Variants in TMEM116 observed in about 807,000 individuals in gnomAD.
TMEM116 encodes the protein transmembrane protein 116.
A neutral mutation model predicts 44.3 loss-of-function variants in TMEM116; 38 were observed. The observed-to-expected ratio is 0.86, with a 90% CI of 0.66 to 1.12. The LOEUF is 1.12. TMEM116 is among the 50% of genes most tolerant of loss of function. The pLI is 0.00. For missense variants in TMEM116, 354 were observed against 401.7 expected, an observed-to-expected ratio of 0.88 and a Z score of 1.01; for synonymous variants, 132 against 144.8, an observed-to-expected ratio of 0.91 and a Z score of 0.64.
intron 4 of TMEM116, among the ~76,000 whole-genome samples, chr12:111,945,335 C>A (rs1241812489): frequency 4.9e-5 from 5 of 102,308 alleles, no homozygotes; most frequent in African/African-American, 2.2e-4. Context: ...CAGAGCTAGA[C>A]TCCATCTCAA....
intron 4 of TMEM116, among the ~76,000 whole-genome samples, chr12:111,964,980 C>A (rs1187927584): frequency 6.6e-6 from 1 of 152,186 alleles, no homozygotes; most frequent in Admixed American, 6.5e-5. Context: ...GGCATGAAGC[C>A]ACCATGCCCA....
rs189877537 is a variant in TMEM116 at position 112,013,027 on chromosome 12, A to C, written c.-59T>G. On this transcript the variant is annotated 5_prime_UTR_variant, in exon 1 of 11. Transcript: ENST00000552374. Reference sequence around the variant, plus strand: ...CGAGGGTTGGAGCGGGTCCCAACCAACTGCCTGACGGCCCAAAGGCAGGAA... The same window carrying C: ...CGAGGGTTGGAGCGGGTCCCAACCACCTGCCTGACGGCCCAAAGGCAGGAA... The C allele has an allele frequency of 6.1e-6, 1 of 162,650 alleles. No homozygotes were observed. The highest frequency in any genetic ancestry group is 6.5e-5 in the Admixed American group (1 of 15,500). 10.1% of individuals were successfully genotyped at this position (162,650 alleles called of 1,614,324 possible).
In TMEM116 at chr12:111,931,740, G is replaced by A. The variant is rs773061292; in HGVS notation, c.895C>T (p.Arg299Trp). The A allele has an allele frequency of 2.4e-5, 38 of 1,611,288 alleles. No homozygotes were observed. Among genetic ancestry groups the A allele is most frequent in the Admixed American group, 5.0e-5 (3 of 59,718 alleles). The change falls in exon 11 of 11, where the codon CGG becomes TGG. Residue 299 changes from arginine (R) to tryptophan (W), a missense_variant. By Grantham distance (101) the Arg-to-Trp change is moderately radical. Transcript: ENST00000552374. ...HKFHQLKQEA[R>W]RDADTQTPLL... is the part of the protein sequence containing the mutation. ...GGTGTCTGGGTATCTGCATCACGCC[G>A]AGCCTCCTGCTTTAGTTGGTGGAAT...
At chr12:111,951,116 A>C (rs914795697) in intron 4 of TMEM116, among the ~76,000 whole-genome samples, 14 of 152,272 alleles carry the variant, frequency 9.2e-5, no homozygotes, top group Non-Finnish European at 5.9e-5. Flanking sequence ...CGCAAATCAA[A>C]ATCACAATGA....
intron 3 of TMEM116, chr12:112,000,730 C>G (rs2077205448): frequency 3.7e-6 from 2 of 534,952 alleles, no homozygotes; most frequent in Non-Finnish European, 7.6e-6. Flanking sequence ...ATTTCCTCTC[C>G]TGATATTCAT....
At chr12:112,005,663 A>G (rs560891126) in intron 1 of TMEM116, 168 of 985,396 alleles carry the variant, frequency 1.7e-4, no homozygotes, top group Non-Finnish European at 2.0e-4. Context: ...GGAGTTTAAG[A>G]AAAAAGAAAC....
chr12:111,941,135 T>TGG (rs1267159378), intron 5 of TMEM116, among the ~76,000 whole-genome samples: 3 of 152,072 alleles, frequency 2.0e-5, no homozygotes, highest in Admixed American at 6.6e-5. Context: ...CCCAGCACTT[T>TGG]GGGGGGCTGA....
chr12:111,957,120 G>A (rs1349628696), intron 4 of TMEM116, among the ~76,000 whole-genome samples: 27 of 147,256 alleles, frequency 1.8e-4, no homozygotes, highest in African/African-American at 5.1e-4. Flanking sequence ...CCCTCTGCCC[G>A]GCCGCCCAGT....
At chr12:111,993,448 A>G in intron 3 of TMEM116, 2 of 562,916 alleles carry the variant, frequency 3.6e-6, no homozygotes, top group Middle Eastern at 3.1e-4. Flanking sequence ...ATACTCCCAG[A>G]GCATGTTATC....
chr12:111,941,833 T>G (rs1449898638), intron 5 of TMEM116, among the ~76,000 whole-genome samples: 2 of 152,108 alleles, frequency 1.3e-5, no homozygotes, highest in African/African-American at 4.8e-5. Flanking sequence ...GTAAGAAGAG[T>G]ACCTCCTTAA....
intron 4 of TMEM116, among the ~76,000 whole-genome samples, chr12:111,972,176 C>T (rs892199496): frequency 3.3e-5 from 5 of 149,960 alleles, no homozygotes; most frequent in Admixed American, 1.3e-4. Flanking sequence ...AAAATATATA[C>T]CATGGCAATA....
At chr12:112,011,402 C>T (rs1255006892) in intron 1 of TMEM116, 4 of 152,260 alleles carry the variant, frequency 2.6e-5, no homozygotes, top group Non-Finnish European at 5.9e-5. Context: ...ACTGGTTGTC[C>T]ATGATTGGAT....
intron 4 of TMEM116, among the ~76,000 whole-genome samples, chr12:111,958,783 A>C (rs1313167611): frequency 6.6e-6 from 1 of 152,190 alleles, no homozygotes; most frequent in African/African-American, 2.4e-5. Context: ...TAAAGTGAGA[A>C]GACAAGATTG....
At chr12:111,969,513 G>A (rs2136445802) in intron 4 of TMEM116, among the ~76,000 whole-genome samples, 1 of 151,482 alleles carries the variant, frequency 6.6e-6, no homozygotes, top group Non-Finnish European at 1.5e-5. Context: ...TCCTGCCTCA[G>A]CCTCCCGAAT....
At chr12:111,974,892 G>A (rs2075577441) in intron 4 of TMEM116, among the ~76,000 whole-genome samples, 1 of 152,040 alleles carries the variant, frequency 6.6e-6, no homozygotes, top group Admixed American at 6.6e-5. Context: ...TTTAAAAAAT[G>A]TTATTTCAAT....
At chr12:111,969,582 G>A (rs1219852348) in intron 4 of TMEM116, among the ~76,000 whole-genome samples, 1 of 150,646 alleles carries the variant, frequency 6.6e-6, no homozygotes, top group African/African-American at 2.4e-5. Context: ...TAATTTTTCT[G>A]TTGTTTTTTT....
intron 4 of TMEM116, among the ~76,000 whole-genome samples, chr12:111,960,806 A>G (rs2074533005): frequency 6.6e-6 from 1 of 152,162 alleles, no homozygotes. Flanking sequence ...AGCTAGCAGA[A>G]CACAAGAAAT....
intron 4 of TMEM116, among the ~76,000 whole-genome samples, chr12:111,969,079 G>A (rs1262819607): frequency 6.6e-6 from 1 of 151,358 alleles, no homozygotes; most frequent in African/African-American, 2.4e-5. Context: ...CCAGCACTTT[G>A]GGAGGCCACG....
intron 1 of TMEM116, among the ~76,000 whole-genome samples, chr12:112,008,545 A>G (rs2077691903): frequency 6.6e-6 from 1 of 152,118 alleles, no homozygotes; most frequent in Non-Finnish European, 1.5e-5. Context: ...GGGCTACTGT[A>G]TATTATATAT....
Sources: allele counts gnomAD v4.1 joint callset (sites outside exome capture counted in the v4.1 genomes callset), GRCh38; gene constraint gnomAD v4.1.1; transcripts MANE v1.5; gene names NCBI Gene and HGNC (gene_info 2026-07-23, HGNC 2026-07-21).